The following XYLT1 variants were observed in gnomAD, a reference collection of about 807,000 sequenced individuals.
The protein encoded by XYLT1 is xylosyltransferase 1.
In XYLT1, 36 loss-of-function variants were observed where a neutral mutation model predicts 91.3. The observed-to-expected ratio is 0.39, with a 90% CI of 0.30 to 0.52. The LOEUF is 0.52. Ranked by LOEUF, XYLT1 falls within the 20% of genes least tolerant of loss-of-function variation. XYLT1 has a pLI of 0.68. For synonymous variants in XYLT1, 588 were observed against 532.0 expected (o/e 1.11, Z -1.45); for missense variants, 1,242 against 1,284.5 (o/e 0.97, Z 0.51).
chr16:17,403,037 C>T (rs944517843), intron 1 of XYLT1, among the ~76,000 whole-genome samples: 25 of 152,280 alleles, frequency 1.6e-4, no homozygotes, highest in African/African-American at 5.1e-4. Flanking sequence ...AAGGCCTGTG[C>T]GGAATGACCA....
chr16:17,441,924 C>T (rs73527448), intron 1 of XYLT1, among the ~76,000 whole-genome samples: 6,050 of 152,226 alleles, frequency 0.04, 366 homozygotes, highest in African/African-American at 0.14. Flanking sequence ...AATGTATCAA[C>T]TTGATGTGGC....
chr16:17,291,838 G>A (rs2034231785), intron 2 of XYLT1, among the ~76,000 whole-genome samples: 1 of 152,122 alleles, frequency 6.6e-6, no homozygotes, highest in Non-Finnish European at 1.5e-5. Context: ...AAATTAAACA[G>A]ATAAAACACA....
intron 3 of XYLT1, chr16:17,250,885 T>C (rs2033528167): frequency 6.6e-6 from 1 of 152,250 alleles, no homozygotes; most frequent in South Asian, 2.1e-4. Flanking sequence ...TTTTAACTTT[T>C]CACAGCTATT....
chr16:17,225,606 A>G (rs977449277), intron 3 of XYLT1, among the ~76,000 whole-genome samples: 2 of 135,370 alleles, frequency 1.5e-5, no homozygotes, highest in Non-Finnish European at 3.3e-5. Flanking sequence ...AAGAAGGAGG[A>G]AAAAAAAAAA....
At chr16:17,150,604 GAC>G (rs1567297205) in intron 6 of XYLT1, among the ~76,000 whole-genome samples, 2 of 152,274 alleles carry the variant, frequency 1.3e-5, no homozygotes, top group Admixed American at 6.5e-5. Flanking sequence ...AAGGAACAGA[GAC>G]ACAGAAAGGT....
intron 1 of XYLT1, among the ~76,000 whole-genome samples, chr16:17,424,945 C>A (rs1304007855): frequency 6.6e-6 from 1 of 152,030 alleles, no homozygotes; most frequent in Admixed American, 6.6e-5. Flanking sequence ...GACATCACCA[C>A]CACCTGGCAC....
intron 1 of XYLT1, among the ~76,000 whole-genome samples, chr16:17,366,003 CAG>C (rs2035449609): frequency 1.3e-5 from 2 of 150,694 alleles, no homozygotes; most frequent in Non-Finnish European, 2.9e-5. Flanking sequence ...GCTTGAGCTA[CAG>C]AGTGTTAAGA....
intron 10 of XYLT1, among the ~76,000 whole-genome samples, chr16:17,122,903 T>A (rs1456525548): frequency 6.6e-6 from 1 of 152,220 alleles, no homozygotes; most frequent in African/African-American, 2.4e-5. Context: ...TGGCTTTATT[T>A]CTGGGTTCTC....
rs535059296 is a variant in XYLT1 at position 17,427,768 on chromosome 16, C to T, written c.363+42666G>A. On this transcript the variant is annotated intron_variant, in intron 1 of 11. Transcript: ENST00000261381. Reference sequence around the variant, plus strand: ...CGTGTTTTAAAAGGAACCATTAGTTCACTTTAAAATCACAGGTTTAATAAG... The same window carrying T: ...CGTGTTTTAAAAGGAACCATTAGTTTACTTTAAAATCACAGGTTTAATAAG... 3.3e-5 allele frequency among the ~76,000 whole-genome samples: 5 copies of T among 152,168 alleles called. No individual in the cohort carries two copies. In the East Asian group the frequency reaches 9.6e-4, roughly 29 times the overall value.
chr16:17,205,024 A>G (rs2032616682), intron 3 of XYLT1, among the ~76,000 whole-genome samples: 1 of 152,174 alleles, frequency 6.6e-6, no homozygotes, highest in Non-Finnish European at 1.5e-5. Context: ...CCCATGGCAC[A>G]AAACAGAAAA....
chr16:17,187,587 AAG>A (rs2032214336), intron 5 of XYLT1, among the ~76,000 whole-genome samples: 1 of 149,912 alleles, frequency 6.7e-6, no homozygotes, highest in Non-Finnish European at 1.5e-5. Flanking sequence ...AAAAAAAAAA[AAG>A]AAAGATTAAA....
At chr16:17,455,711 T>C (rs2036731745) in intron 1 of XYLT1, among the ~76,000 whole-genome samples, 1 of 152,202 alleles carries the variant, frequency 6.6e-6, no homozygotes, top group Non-Finnish European at 1.5e-5. Flanking sequence ...GGTGCTACCA[T>C]CAGAATCCGG....
chr16:17,410,667 A>ATTTT (rs2036096675), intron 1 of XYLT1, among the ~76,000 whole-genome samples: 1 of 104,732 alleles, frequency 9.5e-6, no homozygotes. Flanking sequence ...TTTTTTTTTG[A>ATTTT]GATGGAATCT....
intron 3 of XYLT1, among the ~76,000 whole-genome samples, chr16:17,207,489 A>G (rs2032673535): frequency 6.6e-6 from 1 of 152,022 alleles, no homozygotes; most frequent in African/African-American, 2.4e-5. Context: ...GCCTCAATGA[A>G]TGATTTCTGA....
At chr16:17,360,279 G>A (rs1446515949) in intron 1 of XYLT1, among the ~76,000 whole-genome samples, 1 of 152,192 alleles carries the variant, frequency 6.6e-6, no homozygotes, top group Non-Finnish European at 1.5e-5. Flanking sequence ...GAAGAGGGGA[G>A]AATGCCATCC....
intron 1 of XYLT1, among the ~76,000 whole-genome samples, chr16:17,432,711 A>G (rs1034352337): frequency 6.6e-6 from 1 of 152,182 alleles, no homozygotes; most frequent in African/African-American, 2.4e-5. Context: ...GGTTCCCATT[A>G]TATCTTTCCC....
At chr16:17,185,943 T>C (rs2032173522) in intron 5 of XYLT1, among the ~76,000 whole-genome samples, 1 of 152,054 alleles carries the variant, frequency 6.6e-6, no homozygotes, top group African/African-American at 2.4e-5. Flanking sequence ...GAAGTTGTAA[T>C]GAGCTGAGAT....
intron 2 of XYLT1, among the ~76,000 whole-genome samples, chr16:17,348,836 G>A (rs1011013137): frequency 7.2e-5 from 11 of 152,274 alleles, no homozygotes; most frequent in Middle Eastern, 3.4e-3. Context: ...TTTAAGCTCC[G>A]CAGTATGCAC....
chr16:17,286,892 G>A (rs867913335), intron 2 of XYLT1, among the ~76,000 whole-genome samples: 2 of 152,056 alleles, frequency 1.3e-5, no homozygotes, highest in Middle Eastern at 3.2e-3. Flanking sequence ...GGAAACTTAC[G>A]TTCAGAGTTC....
Sources: gnomAD v4.1 joint callset for allele counts (sites outside exome capture counted in the v4.1 genomes callset) on GRCh38, gnomAD v4.1.1 for gene constraint, MANE v1.5 for transcripts, NCBI Gene and HGNC (gene_info 2026-07-23, HGNC 2026-07-21) for gene names.